The following PARVB variants were observed in gnomAD, a reference collection of about 807,000 sequenced individuals.
PARVB encodes beta-parvin.
PARVB carries 46 observed loss-of-function variants against 47.0 expected under a neutral mutation model. The ratio of observed to expected loss-of-function variants is 0.98; its 90% confidence interval spans 0.77 to 1.25. The LOEUF (loss-of-function observed/expected upper bound fraction) is 1.25, where lower values mean the gene tolerates loss of function less well. Among genes scored for constraint, PARVB ranks in the 50% most tolerant of loss-of-function variants. The pLI is 0.00. For missense variants in PARVB, 473 were observed against 471.6 expected (o/e 1.00, Z -0.03); for synonymous variants, 196 against 196.3 (o/e 1.00, Z 0.01).
At position 44,170,838 on chromosome 22, in the gene PARVB, G is replaced by A. The variant is rs908360603; in HGVS notation, c.*2160G>A. The A allele has an allele frequency of 6.6e-6, 1 of 152,258 alleles. No homozygotes were observed. The highest frequency in any genetic ancestry group is 2.4e-5 in the African/African-American group (1 of 41,466). 9.4% of individuals were successfully genotyped at this position (152,258 alleles called of 1,614,324 possible). On this transcript the variant is annotated 3_prime_UTR_variant, in exon 13 of 13. Transcript: ENST00000338758. ...TTTTGTCTTCCTGCCGCAGATCAGA[G>A]CTTTGGAGTAAGTTTTGATATGAAA...
intron 7 of PARVB, among the ~76,000 whole-genome samples, chr22:44,137,749 G>T (rs1394199104): frequency 1.3e-5 from 2 of 152,084 alleles, no homozygotes; most frequent in African/African-American, 2.4e-5. Context: ...ACAGTGCTGG[G>T]CATCTTCCCA....
intron 1 of PARVB, among the ~76,000 whole-genome samples, chr22:44,088,877 ACAGT>A (rs2052095534): frequency 6.6e-6 from 1 of 152,196 alleles, no homozygotes; most frequent in Admixed American, 6.5e-5. Flanking sequence ...TTTCCAATGG[ACAGT>A]CAGCAATATG....
intron 4 of PARVB, among the ~76,000 whole-genome samples, 160 bp from the exon 5 acceptor site, chr22:44,131,327 A>T (rs2053312474): frequency 6.6e-6 from 1 of 151,760 alleles, no homozygotes; most frequent in Non-Finnish European, 1.5e-5. Flanking sequence ...TTTTTAGTAG[A>T]GACGGGATTT....
intron 1 of PARVB, among the ~76,000 whole-genome samples, chr22:44,040,362 C>T (rs889738714): frequency 2.0e-5 from 3 of 152,072 alleles, no homozygotes; most frequent in Middle Eastern, 3.2e-3. Flanking sequence ...TATTCCAATA[C>T]CTGGAAACTG....
In PARVB at chr22:44,155,482, G is replaced by C. The variant is rs562458681; in HGVS notation, c.844-2500G>C. ...CTCCCTCCTTCCTGTGAGCCCGTGT[G>C]CTGGGACAGTGAGGAGACACCACGG... On this transcript the variant is annotated intron_variant, in intron 10 of 12. Coordinates refer to ENST00000338758, the MANE Select transcript of PARVB (RefSeq NM_013327.5). The surrounding 1 kb of genome is among the most constrained non-coding windows in gnomAD (Gnocchi z 4.8). Among the ~76,000 whole-genome samples the C allele has an allele frequency of 3.3e-5, 5 of 152,316 alleles. No individual in the cohort carries two copies. The South Asian group carries it at 1.0e-3, about 32-fold the overall frequency.
At chr22:44,085,737 C>T (rs987875891) in intron 1 of PARVB, among the ~76,000 whole-genome samples, 2 of 152,344 alleles carry the variant, frequency 1.3e-5, no homozygotes, top group South Asian at 2.1e-4. Context: ...GACCAGGATA[C>T]GTCTTCCCTC....
intron 1 of PARVB, among the ~76,000 whole-genome samples, chr22:44,050,379 T>C (rs1189141813): frequency 6.6e-6 from 1 of 151,848 alleles, no homozygotes; most frequent in African/African-American, 2.4e-5. Flanking sequence ...GTTTCGCTCT[T>C]GTTGCCCAGG....
chr22:44,052,197 G>A (rs1231109280), intron 1 of PARVB, among the ~76,000 whole-genome samples: 1 of 152,212 alleles, frequency 6.6e-6, no homozygotes, highest in African/African-American at 2.4e-5. Flanking sequence ...TGCCAGTAAG[G>A]GTTGTGAGTG....
chr22:44,117,034 GCCTTCCTGCCTCCCTT>G (rs1345879616), intron 3 of PARVB, among the ~76,000 whole-genome samples: 1 of 152,064 alleles, frequency 6.6e-6, no homozygotes, highest in East Asian at 1.9e-4. Context: ...GAGGATGGTG[GCCTTCCTGCCTCCCTT>G]CCTTCCTGCC....
upstream of PARVB, among the ~76,000 whole-genome samples, chr22:44,023,537 C>CAAAACAAAACAAAACT (rs1416034853): frequency 7.9e-6 from 1 of 127,300 alleles, no homozygotes; most frequent in Admixed American, 7.7e-5. Context: ...TAAAACAAAA[C>CAAAACAAAACAAAACT]AAAATAAAAT....
chr22:44,083,513 G>A lies in PARVB; in HGVS notation c.113-10415G>A, dbSNP rs1198432994. On this transcript the variant is annotated intron_variant, in intron 1 of 12. Transcript: ENST00000338758. ...GCACGGGGAGCTGTGGAAACCCAGA[G>A]GAGGGGCCCGAACTGCACCCAGGGA... Among the ~76,000 whole-genome samples, 5 of 152,276 alleles carry A rather than the reference G, an allele frequency of 3.3e-5. No homozygotes were observed. The East Asian group carries it at 9.6e-4, about 29-fold the overall frequency.
At chr22:44,048,685 C>T (rs1304747005) in intron 1 of PARVB, among the ~76,000 whole-genome samples, 1 of 152,190 alleles carries the variant, frequency 6.6e-6, no homozygotes, top group Non-Finnish European at 1.5e-5. Flanking sequence ...CCTCAGCCTC[C>T]CAAGTAGCTG....
At chr22:44,007,666 A>G (rs1282577947) in intron 2 of PARVB, among the ~76,000 whole-genome samples, 1 of 152,216 alleles carries the variant, frequency 6.6e-6, no homozygotes, top group African/African-American at 2.4e-5. Context: ...AGGCTTTAAA[A>G]AAGTTTTTTT....
At chr22:44,137,135 T>G (rs1427105919) in intron 7 of PARVB, among the ~76,000 whole-genome samples, 1 of 152,226 alleles carries the variant, frequency 6.6e-6, no homozygotes, top group Non-Finnish European at 1.5e-5. Flanking sequence ...ATTTAAAAAT[T>G]GATTGTCTCA....
intron 11 of PARVB, 54 bp from the exon 12 acceptor site, chr22:44,163,804 T>A: frequency 7.0e-7 from 1 of 1,427,826 alleles, no homozygotes; most frequent in Non-Finnish European, 9.7e-7. Context: ...CAGTGGGCCG[T>A]GTGTGGGAAC....
At position 43,999,845 on chromosome 22, in the gene PARVB, A is replaced by AC. The variant is rs2050395239; in HGVS notation, c.211+172_211+173insC. Reference sequence around the variant, plus strand: ...AAACCCATCTATATGAAAAAAAAAAAAAAAAAAAAAAAACAGCTGGGTGTG... The same window carrying AC: ...AAACCCATCTATATGAAAAAAAAAAACAAAAAAAAAAAAACAGCTGGGTGTG... On this transcript the variant is annotated intron_variant, in intron 2 of 13. Transcript: ENST00000406477. Among the ~76,000 whole-genome samples the AC allele has an allele frequency of 1.7e-4, 24 of 138,384 alleles. No homozygotes were observed. In the South Asian group the frequency reaches 4.2e-3, roughly 24 times the overall value. The allele number at this position is 138,384 out of a possible 152,430, so 90.8% of individuals were successfully genotyped here. A position where few individuals can be genotyped will look rare whatever the true frequency, so the allele number is the denominator to read the frequency against.
At chr22:44,087,875 T>A (rs2052066296) in intron 1 of PARVB, among the ~76,000 whole-genome samples, 1 of 151,600 alleles carries the variant, frequency 6.6e-6, no homozygotes, top group Non-Finnish European at 1.5e-5. Context: ...TTTTTTCTTT[T>A]TTTTAAACCT....
intron 1 of PARVB, among the ~76,000 whole-genome samples, chr22:44,035,573 G>A (rs1339704658): frequency 7.3e-5 from 11 of 151,668 alleles, no homozygotes; most frequent in African/African-American, 9.7e-5. Context: ...GGGTTTCACC[G>A]TGGTGGCCAG....
rs549247620 is a variant in PARVB, at chr22:44,068,571, T to C, written c.113-25357T>C. 6.6e-6 allele frequency among the ~76,000 whole-genome samples: 1 copy of C among 152,298 alleles called. No individual in the cohort carries two copies. The highest frequency in any genetic ancestry group is 2.4e-5 in the African/African-American group (1 of 41,574). ...GTCCGATATTTGATTTCTGTTGTCGTGGAAACGGGGTGGCAAGTGTTCCAT... is the reference window on the plus strand; with the variant it reads ...GTCCGATATTTGATTTCTGTTGTCGCGGAAACGGGGTGGCAAGTGTTCCAT... On this transcript the variant is annotated intron_variant, in intron 1 of 12. Transcript: ENST00000338758. The surrounding 1 kb of genome is among the most constrained non-coding windows in gnomAD (Gnocchi z 4.1).
Sources: allele counts gnomAD v4.1 joint callset (sites outside exome capture counted in the v4.1 genomes callset), GRCh38; gene constraint gnomAD v4.1.1; non-coding constraint Gnocchi (gnomAD v3.1); transcripts MANE v1.5; gene names NCBI Gene and HGNC (gene_info 2026-07-23, HGNC 2026-07-21).